SKA2: variants seen among roughly 807,000 people sequenced by gnomAD.
SKA2 encodes the protein spindle and kinetochore-associated protein 2.
In SKA2, 13 loss-of-function variants were observed where a neutral mutation model predicts 16.9. The observed-to-expected ratio is 0.77, with a 90% CI of 0.50 to 1.22. The LOEUF is 1.22. SKA2 is among the 50% of genes most tolerant of loss of function. The pLI is 0.00. For missense variants in SKA2, 107 were observed against 139.7 expected, an observed-to-expected ratio of 0.77 and a Z score of 1.18; for synonymous variants, 47 against 48.5, an observed-to-expected ratio of 0.97 and a Z score of 0.13.
chr17:59,137,122 T>C (rs929936821), intron 1 of SKA2, among the ~76,000 whole-genome samples: 2 of 152,156 alleles, frequency 1.3e-5, no homozygotes, highest in Non-Finnish European at 2.9e-5. Flanking sequence ...AGAGATTTGA[T>C]TCTCCTGCCT....
intron 2 of SKA2, among the ~76,000 whole-genome samples, chr17:59,129,728 G>A (rs114842008): frequency 9.2e-5 from 14 of 151,798 alleles, no homozygotes; most frequent in Admixed American, 2.0e-4. Flanking sequence ...GGTAGCCTGC[G>A]CCTGTAATCC....
intron 1 of SKA2, among the ~76,000 whole-genome samples, chr17:59,132,156 G>C (rs2046415438): frequency 6.6e-6 from 1 of 152,060 alleles, no homozygotes; most frequent in African/African-American, 2.4e-5. Context: ...AGGAGTTTGA[G>C]ACCAGCCTGG....
chr17:59,151,069 G>T, intron 1 of SKA2: 1 of 466,938 alleles, frequency 2.1e-6, no homozygotes, highest in Non-Finnish European at 4.4e-6. Context: ...AGCAACAAAG[G>T]TTGTGGTAAA....
intron 1 of SKA2, among the ~76,000 whole-genome samples, chr17:59,152,975 A>C (rs1020035615): frequency 6.6e-6 from 1 of 152,202 alleles, no homozygotes; most frequent in Non-Finnish European, 1.5e-5. Flanking sequence ...CATTCAAACA[A>C]TACCTAAAAG....
intron 1 of SKA2, among the ~76,000 whole-genome samples, chr17:59,142,948 A>AGAG (rs1555712994): frequency 1.3e-5 from 2 of 149,634 alleles, no homozygotes; most frequent in African/African-American, 5.0e-5. Context: ...AAAAAAAAAA[A>AGAG]AGAGAGAGAG....
chr17:59,118,850 C>G (rs1471784355), intron 3 of SKA2, among the ~76,000 whole-genome samples: 1 of 152,154 alleles, frequency 6.6e-6, no homozygotes, highest in Non-Finnish European at 1.5e-5. Context: ...TAGCTACAAG[C>G]CCATAATTCA....
chr17:59,123,559 G>GAA lies in SKA2; in HGVS notation c.121-4066_121-4065dup, dbSNP rs749384512. The stretch of plus-strand genomic sequence containing the variant: ...GCAACAGAGCAAGACTCTGTCTCAG[G>GAA]AAAAAAAAAAAAAAAAGTTAGAATC... On this transcript the variant is annotated intron_variant, in intron 2 of 3. Transcript: ENST00000330137. Among the ~76,000 whole-genome samples the GAA allele has an allele frequency of 1.3e-4, 17 of 126,630 alleles. 1 individual carries two copies. The highest frequency in any genetic ancestry group is 2.2e-4 in the East Asian group (1 of 4,478). The allele number at this position is 126,630 out of a possible 152,430, so 83.1% of individuals were successfully genotyped here. A position where few individuals can be genotyped will look rare whatever the true frequency, so the allele number is the denominator to read the frequency against.
chr17:59,124,407 G>A (rs2046357242), intron 2 of SKA2: 2 of 150,988 alleles, frequency 1.3e-5, no homozygotes, highest in African/African-American at 2.4e-5. Context: ...ACTCCAGTCT[G>A]GACAACAGAG....
intron 1 of SKA2, among the ~76,000 whole-genome samples, 169 bp from the exon 2 acceptor site, chr17:59,131,536 A>C (rs2046411815): frequency 6.6e-6 from 1 of 152,208 alleles, no homozygotes; most frequent in Admixed American, 6.5e-5. Context: ...CATAATAACT[A>C]TGCTCTATGA....
intron 3 of SKA2, among the ~76,000 whole-genome samples, chr17:59,115,101 G>T (rs2046287698): frequency 2.4e-5 from 3 of 125,308 alleles, no homozygotes; most frequent in Admixed American, 9.1e-5. Context: ...CACTCTTGTT[G>T]CCCAGGCTGG....
At position 59,127,804 on chromosome 17, in the gene SKA2, G is replaced by T. The variant is rs568492702; in HGVS notation, c.120+3477C>A. 8.6e-4 allele frequency among the ~76,000 whole-genome samples: 131 copies of T among 152,104 alleles called. 1 individual carries two copies. The highest frequency in any genetic ancestry group is 1.4e-3 in the Non-Finnish European group (92 of 68,022). Reference sequence around the variant, plus strand: ...CATATGGCCAGCAATTCTACTCCAAGGTATATACTCGAGAGAAATGAAAAC... The same window carrying T: ...CATATGGCCAGCAATTCTACTCCAATGTATATACTCGAGAGAAATGAAAAC... On this transcript the variant is annotated intron_variant, in intron 2 of 3. Coordinates refer to ENST00000330137, the MANE Select transcript of SKA2 (RefSeq NM_182620.4).
intron 1 of SKA2, among the ~76,000 whole-genome samples, chr17:59,144,651 A>ATG (rs527364615): frequency 6.9e-4 from 105 of 152,320 alleles, no homozygotes; most frequent in African/African-American, 2.5e-3. Context: ...ATTTTGCTGA[A>ATG]TGAAATAAGC....
At chr17:59,120,106 C>T (rs1250459158) in intron 2 of SKA2, among the ~76,000 whole-genome samples, 1 of 151,980 alleles carries the variant, frequency 6.6e-6, no homozygotes, top group African/African-American at 2.4e-5. Flanking sequence ...GAAGGGGTTT[C>T]ACCGTGTTAG....
rs2046252845 is a variant in SKA2 at position 59,109,921 on chromosome 17, A to G, written c.*2356T>C. ...AAAGATCTAAATTAAGGAGGTGTGA[A>G]GATAATGTAGAGGTTGTATACTATG... On this transcript the variant is annotated 3_prime_UTR_variant, in exon 4 of 4. Transcript: ENST00000330137. 6.6e-6 allele frequency: 1 copy of G among 152,262 alleles called. No homozygotes were observed. The highest frequency in any genetic ancestry group is 6.5e-5 in the Admixed American group (1 of 15,274). The allele number at this position is 152,262 out of a possible 1,614,324, so 9.4% of individuals were successfully genotyped here.
chr17:59,139,392 G>A lies in SKA2; in HGVS notation c.34-8025C>T, dbSNP rs377330031. On this transcript the variant is annotated intron_variant, in intron 1 of 3. Transcript: ENST00000330137. ...AGCCTGGGCAACAGAGCAAGACTCCGTCTCAAAAAAAAAAAAAAAAAAAAA... is the reference window on the plus strand; with the variant it reads ...AGCCTGGGCAACAGAGCAAGACTCCATCTCAAAAAAAAAAAAAAAAAAAAA... 9.2e-4 allele frequency among the ~76,000 whole-genome samples: 98 copies of A among 106,714 alleles called. 1 individual carries two copies. The East Asian group carries it at 0.016, about 18-fold the overall frequency. 70.0% of individuals were successfully genotyped at this position (106,714 alleles called of 152,430 possible).
At chr17:59,128,432 C>A (rs193287031) in intron 2 of SKA2, among the ~76,000 whole-genome samples, 1 of 152,092 alleles carries the variant, frequency 6.6e-6, no homozygotes, top group Admixed American at 6.6e-5. Flanking sequence ...CAAGACCAGC[C>A]TGGCCAACAT....
At chr17:59,133,644 T>C (rs955143544) in intron 1 of SKA2, among the ~76,000 whole-genome samples, 1 of 152,328 alleles carries the variant, frequency 6.6e-6, no homozygotes. Flanking sequence ...TACTTTCAAA[T>C]GTAGAGTAAG....
intron 1 of SKA2, among the ~76,000 whole-genome samples, chr17:59,136,996 A>T (rs1196493293): frequency 6.6e-6 from 1 of 152,152 alleles, no homozygotes; most frequent in South Asian, 2.1e-4. Context: ...AGAGTCACAC[A>T]TGTGGAAAAA....
At chr17:59,135,972 G>C (rs1018838858) in intron 1 of SKA2, among the ~76,000 whole-genome samples, 1 of 151,654 alleles carries the variant, frequency 6.6e-6, no homozygotes. Flanking sequence ...CTTGAGCCCA[G>C]GAGTTCAAGG....
Sources: gnomAD v4.1 joint callset for allele counts (sites outside exome capture counted in the v4.1 genomes callset) on GRCh38, gnomAD v4.1.1 for gene constraint, MANE v1.5 for transcripts, NCBI Gene and HGNC (gene_info 2026-07-23, HGNC 2026-07-21) for gene names.